ABHD2: variants seen among roughly 807,000 people sequenced by gnomAD.
ABHD2 encodes the protein abhydrolase domain containing 2, acylglycerol lipase.
ABHD2 carries 20 observed loss-of-function variants against 48.1 expected under a neutral mutation model. The ratio of observed to expected loss-of-function variants is 0.42; its 90% confidence interval spans 0.29 to 0.60. The LOEUF is 0.60. Ranked by LOEUF, ABHD2 falls within the 20% of genes least tolerant of loss-of-function variation. The pLI, the probability that ABHD2 is intolerant of heterozygous loss-of-function variation, is 0.24. For synonymous variants in ABHD2, 209 were observed against 214.2 expected (o/e 0.98, Z 0.21); for missense variants, 405 against 550.9 (o/e 0.74, Z 2.65).
In ABHD2 at chr15:89,114,685, G is replaced by A. The variant is rs2049927812; in HGVS notation, c.-7+861G>A. ...TTTGGTAGAGACAGGATTTCACCAT[G>A]TTGGCCAGGGCTGGTCTCGAACTCC... On this transcript the variant is annotated intron_variant, in intron 2 of 10. Transcript: ENST00000352732. This position sits in a 1 kb window ranked among gnomAD's most constrained non-coding sequence, Gnocchi z 4.2. Among the ~76,000 whole-genome samples the A allele has an allele frequency of 6.6e-6, 1 of 152,018 alleles. No individual in the cohort carries two copies. Among genetic ancestry groups the A allele is most frequent in the Admixed American group, 6.6e-5 (1 of 15,264 alleles).
Position 89,164,683 on chromosome 15 carries a change from G to A in ABHD2, c.538+9149G>A, listed in dbSNP as rs1236528588. On this transcript the variant is annotated intron_variant, in intron 5 of 10. Coordinates refer to ENST00000352732, the MANE Select transcript of ABHD2 (RefSeq NM_152924.5). The surrounding 1 kb of genome is among the most constrained non-coding windows in gnomAD (Gnocchi z 5.0). ...ACCTGTAATCTCAGCTACCTGGGAGGCAAAGGCAGGAGAATCGCTTGAGCC... is the reference window on the plus strand; with the variant it reads ...ACCTGTAATCTCAGCTACCTGGGAGACAAAGGCAGGAGAATCGCTTGAGCC... Among the ~76,000 whole-genome samples, 1 of 151,948 alleles carries A rather than the reference G, an allele frequency of 6.6e-6. No homozygotes were observed. The highest frequency in any genetic ancestry group is 6.6e-5 in the Admixed American group (1 of 15,250).
At position 89,175,945 on chromosome 15, in the gene ABHD2, A is replaced by C; in HGVS notation, c.672A>C (p.Gln224His). Residue 224 changes from glutamine (Q) to histidine (H), a missense_variant, in exon 6 of 11, where the codon CAA (glutamine) becomes CAC (histidine). By Grantham distance (24) the Gln-to-His change is conservative. Coordinates refer to ENST00000352732, the MANE Select transcript of ABHD2 (RefSeq NM_152924.5). This position sits in a 1 kb window ranked among gnomAD's most constrained non-coding sequence, Gnocchi z 5.7. ...ACTTGGGGGAGACTCAGGCAAACCA[A>C]GAGAAGGTCCTGTGCTGCGTCAGCG... ...CKYLGETQAN[Q>H]EKVLCCVSVC... The C allele has an allele frequency of 6.2e-7, 1 of 1,614,014 alleles. No individual in the cohort carries two copies. Among genetic ancestry groups the C allele is most frequent in the Non-Finnish European group, 8.5e-7 (1 of 1,179,950 alleles).
intron 3 of ABHD2, among the ~76,000 whole-genome samples, chr15:89,145,471 A>G (rs933959189): frequency 1.3e-5 from 2 of 152,220 alleles, no homozygotes; most frequent in African/African-American, 2.4e-5. Flanking sequence ...ACAGGGACAG[A>G]AAGATGAGCC....
At chr15:89,134,960 T>G (rs773964231) in intron 3 of ABHD2, among the ~76,000 whole-genome samples, 3 of 152,186 alleles carry the variant, frequency 2.0e-5, no homozygotes, top group Non-Finnish European at 4.4e-5. Flanking sequence ...CTTGCCATTT[T>G]ATGAGTTGTT....
chr15:89,083,486 G>A (rs1010915583), upstream of ABHD2, among the ~76,000 whole-genome samples: 5 of 152,166 alleles, frequency 3.3e-5, no homozygotes, highest in African/African-American at 1.2e-4. This position sits in a 1 kb window ranked among gnomAD's most constrained non-coding sequence, Gnocchi z 5.1. Context: ...GTGTGCGCGC[G>A]TGCACGTGCG....
intron 3 of ABHD2, among the ~76,000 whole-genome samples, chr15:89,131,973 G>C (rs541289049): frequency 1.3e-5 from 2 of 152,214 alleles, no homozygotes; most frequent in East Asian, 3.9e-4. Context: ...GTTAAGAATA[G>C]TCATCTCTCA....
the ABHD2 span, among the ~76,000 whole-genome samples, chr15:89,060,383 G>A: frequency 6.8e-6 from 1 of 146,452 alleles, no homozygotes; most frequent in Admixed American, 6.9e-5. Flanking sequence ...GCACCACCTC[G>A]CCCGGCCAGC....
At chr15:89,052,257 TAGG>T in the ABHD2 span, among the ~76,000 whole-genome samples, 1 of 152,168 alleles carries the variant, frequency 6.6e-6, no homozygotes. Flanking sequence ...TGGAATGGTT[TAGG>T]AGGAGATTAA....
intron 1 of ABHD2, among the ~76,000 whole-genome samples, chr15:89,098,151 A>G (rs1216638602): frequency 6.6e-6 from 1 of 152,174 alleles, no homozygotes; most frequent in African/African-American, 2.4e-5. Flanking sequence ...AAGTGCTGGG[A>G]TTACAGATGT....
chr15:89,044,140 G>C, the ABHD2 span, among the ~76,000 whole-genome samples: 9 of 152,158 alleles, frequency 5.9e-5, no homozygotes, highest in African/African-American at 1.9e-4. Context: ...ACCTATGAGT[G>C]AGAATATGCA....
chr15:89,163,665 A>G (rs556406719), intron 5 of ABHD2, among the ~76,000 whole-genome samples: 2 of 152,376 alleles, frequency 1.3e-5, no homozygotes, highest in Admixed American at 1.3e-4. Context: ...TAGAATACAG[A>G]GGAGCAGGTG....
At chr15:89,121,396 GTCT>G (rs1055711725) in intron 3 of ABHD2, among the ~76,000 whole-genome samples, 4 of 151,888 alleles carry the variant, frequency 2.6e-5, no homozygotes, top group African/African-American at 4.8e-5. Context: ...TTGTGTGCTT[GTCT>G]TCTTCTAACT....
chr15:89,065,285 A>G, the ABHD2 span, among the ~76,000 whole-genome samples: 1 of 152,178 alleles, frequency 6.6e-6, no homozygotes, highest in African/African-American at 2.4e-5. Context: ...TCCACCCGTT[A>G]TGGCAAACTC....
chr15:89,192,642 T>A (rs528363448), intron 9 of ABHD2, among the ~76,000 whole-genome samples: 3 of 152,298 alleles, frequency 2.0e-5, no homozygotes, highest in African/African-American at 7.2e-5. Flanking sequence ...CCTGAGTAGC[T>A]AGAACTATAG....
intron 3 of ABHD2, among the ~76,000 whole-genome samples, chr15:89,124,089 A>G (rs1226618153): frequency 6.6e-6 from 1 of 152,216 alleles, no homozygotes; most frequent in Non-Finnish European, 1.5e-5. Context: ...TAGATATGCA[A>G]AATATGCTAT....
chr15:89,161,327 C>T (rs1008186783), intron 5 of ABHD2, among the ~76,000 whole-genome samples: 1 of 152,172 alleles, frequency 6.6e-6, no homozygotes, highest in Non-Finnish European at 1.5e-5. Context: ...TTGTTCAACT[C>T]ATGGCCCATC....
chr15:89,161,449 G>A (rs1403737684), intron 5 of ABHD2, among the ~76,000 whole-genome samples: 1 of 152,040 alleles, frequency 6.6e-6, no homozygotes, highest in African/African-American at 2.4e-5. Context: ...TGCCGAGGCT[G>A]GAGTGCAATG....
intron 3 of ABHD2, among the ~76,000 whole-genome samples, chr15:89,141,777 C>T (rs956983390): frequency 6.6e-6 from 1 of 152,170 alleles, no homozygotes; most frequent in Non-Finnish European, 1.5e-5. Context: ...GCTTGGAAGC[C>T]CACGTTGACC....
rs1022770678 is a variant in ABHD2 at position 89,184,972 on chromosome 15, A to G, written c.723-452A>G. On this transcript the variant is annotated intron_variant, in intron 6 of 10. Coordinates refer to ENST00000352732, the MANE Select transcript of ABHD2 (RefSeq NM_152924.5). The surrounding 1 kb of genome is among the most constrained non-coding windows in gnomAD (Gnocchi z 5.1). ...ATTTTCCTTTACCTCTTGATCAGCAATGACAGAAGATTTTTTAGGTTTTCC... is the reference window on the plus strand; with the variant it reads ...ATTTTCCTTTACCTCTTGATCAGCAGTGACAGAAGATTTTTTAGGTTTTCC... Among the ~76,000 whole-genome samples, 4 of 152,238 alleles carry G rather than the reference A, an allele frequency of 2.6e-5. No homozygotes were observed. The highest frequency in any genetic ancestry group is 1.9e-4 in the East Asian group (1 of 5,198).
Sources: gnomAD v4.1 joint callset for allele counts (sites outside exome capture counted in the v4.1 genomes callset) on GRCh38, gnomAD v4.1.1 for gene constraint, Gnocchi (gnomAD v3.1) non-coding constraint, MANE v1.5 for transcripts, NCBI Gene and HGNC (gene_info 2026-07-23, HGNC 2026-07-21) for gene names.